Variants in ZPLD1 observed in about 807,000 individuals in gnomAD.
ZPLD1 encodes the protein zona pellucida-like domain-containing protein 1.
Under a neutral mutation model 47.2 loss-of-function variants are expected in ZPLD1, and 34 were observed. The ratio of observed to expected loss-of-function variants is 0.72; its 90% CI spans 0.55 to 0.96. ZPLD1 has a LOEUF of 0.96. ZPLD1 is among the 40% of genes least tolerant of loss of function. ZPLD1 has a pLI of 0.00. For missense variants in ZPLD1, 512 were observed against 505.8 expected (o/e 1.01, Z -0.12); for synonymous variants, 176 against 186.2 (o/e 0.95, Z 0.45).
Position 102,478,382 on chromosome 3 carries a change from C to T in ZPLD1, c.*764C>T, listed in dbSNP as rs948961755. 1 of 150,042 alleles carries T rather than the reference C, an allele frequency of 6.7e-6. No individual in the cohort carries two copies. Among genetic ancestry groups the T allele is most frequent in the Non-Finnish European group, 1.5e-5 (1 of 67,268 alleles). 9.3% of individuals were successfully genotyped at this position (150,042 alleles called of 1,614,324 possible). On this transcript the variant is annotated 3_prime_UTR_variant, in exon 12 of 12. Coordinates refer to ENST00000466937, the MANE Select transcript of ZPLD1 (RefSeq NM_001329788.2). ...CTCTCCTCCCAGGTAAACAGTTCAG[C>T]TGCTGTTGCAGCTGTGCTTCCAGCA... is the stretch of plus-strand genomic sequence containing the variant.
At chr3:102,392,235 C>T (rs1706504238) in intron 7 of ZPLD1, 1 of 152,178 alleles carries the variant, frequency 6.6e-6, no homozygotes, top group South Asian at 2.1e-4. Context: ...GGTAAGAACT[C>T]TCAGGTCTTT....
intron 7 of ZPLD1, among the ~76,000 whole-genome samples, chr3:102,462,644 C>T (rs749825853): frequency 3.2e-4 from 49 of 151,474 alleles, no homozygotes; most frequent in Non-Finnish European, 5.9e-4. Flanking sequence ...TCTGGGATGC[C>T]GAAATGTTGT....
chr3:102,462,606 G>T (rs1224551561), intron 7 of ZPLD1, among the ~76,000 whole-genome samples: 4 of 151,854 alleles, frequency 2.6e-5, no homozygotes, highest in Admixed American at 6.6e-5. Context: ...AAGAAGGGGG[G>T]TGGTTCTTGG....
In ZPLD1 at chr3:102,469,091, G is replaced by A. The variant is rs373221595; in HGVS notation, c.889G>A (p.Val297Ile). The A allele has an allele frequency of 6.2e-6, 10 of 1,613,876 alleles. No individual in the cohort carries two copies. The highest frequency in any genetic ancestry group is 2.7e-5 in the African/African-American group (2 of 74,890). Residue 297 changes from valine (V) to isoleucine (I), a missense_variant, in exon 9 of 12, where the codon GTT becomes ATT. Transcript: ENST00000466937. ...AATGTCCACTGTCTTCTTGCACTGC[G>A]TTACCAAGCTCTGCAGAGCAGATGA... ...QKMSTVFLHC[V>I]TKLCRADDCP...
intron 3 of ZPLD1, among the ~76,000 whole-genome samples, chr3:102,451,190 G>A (rs1707331725): frequency 6.6e-6 from 1 of 152,018 alleles, no homozygotes; most frequent in Non-Finnish European, 1.5e-5. Context: ...AAAAAACCCA[G>A]TATGTATATA....
intron 8 of ZPLD1, among the ~76,000 whole-genome samples, chr3:102,427,744 C>G (rs1018051826): frequency 1.3e-5 from 2 of 152,184 alleles, no homozygotes; most frequent in African/African-American, 4.8e-5. Flanking sequence ...TATATTTATT[C>G]AAGGGTCAGC....
intron 7 of ZPLD1, among the ~76,000 whole-genome samples, chr3:102,396,984 G>A (rs1032549644): frequency 6.6e-6 from 1 of 152,096 alleles, no homozygotes; most frequent in African/African-American, 2.4e-5. Flanking sequence ...TTGCAGTGAG[G>A]ATTGTATGAA....
At chr3:102,408,997 A>G (rs1170061800) in intron 7 of ZPLD1, among the ~76,000 whole-genome samples, 2 of 151,836 alleles carry the variant, frequency 1.3e-5, no homozygotes, top group Non-Finnish European at 2.9e-5. Context: ...AACAGAATAC[A>G]CAAATGTTGA....
chr3:102,425,856 A>G (rs755941271), intron 8 of ZPLD1, among the ~76,000 whole-genome samples: 9 of 150,664 alleles, frequency 6.0e-5, no homozygotes, highest in South Asian at 2.1e-4. Flanking sequence ...TTTTACTTCT[A>G]TGCCTTAAGC....
Position 102,465,091 on chromosome 3 carries a change from C to G in ZPLD1, c.761+840C>G, listed in dbSNP as rs142857412. ...CTATTTCTGGAAATGTTAATTTGAG[C>G]AACATTTTTGGGAAAAATTGTCAGT... On this transcript the variant is annotated intron_variant, in intron 8 of 11. Transcript: ENST00000466937. 1.2e-3 allele frequency among the ~76,000 whole-genome samples: 188 copies of G among 152,214 alleles called. 1 individual carries two copies. Among genetic ancestry groups the G allele is most frequent in the African/African-American group, 4.2e-3 (176 of 41,530 alleles).
chr3:102,398,226 G>T (rs1196800979), intron 7 of ZPLD1, among the ~76,000 whole-genome samples: 1 of 151,892 alleles, frequency 6.6e-6, no homozygotes, highest in Non-Finnish European at 1.5e-5. Context: ...TTGACCTTTG[G>T]TATATTATTT....
intron 1 of ZPLD1, 101 bp downstream of exon 1, chr3:102,435,255 C>A (rs1049515091): frequency 1.5e-6 from 2 of 1,309,948 alleles, no homozygotes; most frequent in African/African-American, 1.5e-5. Context: ...TAAGCCCTGC[C>A]AAGACTATAG....
chr3:102,420,262 C>A (rs903513811), intron 8 of ZPLD1, among the ~76,000 whole-genome samples: 1 of 151,806 alleles, frequency 6.6e-6, no homozygotes, highest in African/African-American at 2.4e-5. Flanking sequence ...TCAAGGCTTG[C>A]AGAAAAATAT....
At chr3:102,441,194 T>A (rs187517893) in intron 3 of ZPLD1, among the ~76,000 whole-genome samples, 1 of 152,128 alleles carries the variant, frequency 6.6e-6, no homozygotes, top group Admixed American at 6.5e-5. Context: ...GGTGTGGTAG[T>A]TATATACTTG....
intron 8 of ZPLD1, among the ~76,000 whole-genome samples, chr3:102,426,660 T>C (rs1324668158): frequency 6.6e-6 from 1 of 152,202 alleles, no homozygotes; most frequent in Non-Finnish European, 1.5e-5. Flanking sequence ...GCAATTAATA[T>C]GGTGCTAATT....
intron 3 of ZPLD1, among the ~76,000 whole-genome samples, chr3:102,439,059 A>G (rs1707135121): frequency 6.6e-6 from 1 of 152,254 alleles, no homozygotes; most frequent in Non-Finnish European, 1.5e-5. Flanking sequence ...AATTTCACAG[A>G]AACCCATCAA....
intron 8 of ZPLD1, among the ~76,000 whole-genome samples, chr3:102,427,907 C>T (rs1336945656): frequency 1.3e-5 from 2 of 152,120 alleles, no homozygotes; most frequent in Non-Finnish European, 2.9e-5. Flanking sequence ...TTCACTACCC[C>T]TAGATCATAA....
intron 5 of ZPLD1, among the ~76,000 whole-genome samples, chr3:102,457,435 A>T (rs1707434475): frequency 6.6e-6 from 1 of 152,210 alleles, no homozygotes; most frequent in Admixed American, 6.5e-5. Flanking sequence ...AAAGTAAACC[A>T]GATTCCCTGA....
In ZPLD1 at chr3:102,477,875, G is replaced by A. The variant is rs537845370; in HGVS notation, c.*257G>A. 3 of 303,090 alleles carry A rather than the reference G, an allele frequency of 9.9e-6. No homozygotes were observed. The highest frequency in any genetic ancestry group is 1.8e-5 in the Non-Finnish European group (3 of 166,622). 18.8% of individuals were successfully genotyped at this position (303,090 alleles called of 1,614,324 possible). On this transcript the variant is annotated 3_prime_UTR_variant, in exon 12 of 12. Coordinates refer to ENST00000466937, the MANE Select transcript of ZPLD1 (RefSeq NM_001329788.2). ...ATAAGTGAAAAATATTCAGGACTTA[G>A]GGCTTACAGGATCAGTAATATTTCA...
Sources: allele counts gnomAD v4.1 joint callset (sites outside exome capture counted in the v4.1 genomes callset), GRCh38; gene constraint gnomAD v4.1.1; transcripts MANE v1.5; gene names NCBI Gene and HGNC (gene_info 2026-07-23, HGNC 2026-07-21).